The following TLL1 variants were observed in gnomAD, a reference collection of about 807,000 sequenced individuals.
TLL1 encodes the protein tolloid like 1.
A neutral mutation model predicts 128.2 loss-of-function variants in TLL1; 49 were observed. The ratio of observed to expected loss-of-function variants is 0.38; its 90% CI spans 0.30 to 0.48. The LOEUF is 0.48. Ranked by LOEUF, TLL1 falls within the 20% of genes least tolerant of loss-of-function variation. TLL1 has a pLI of 0.96. For synonymous variants in TLL1, 454 were observed against 418.8 expected (o/e 1.08, Z -1.03); for missense variants, 1,123 against 1,242.0 (o/e 0.90, Z 1.44).
At chr4:166,034,749 A>G (rs1738921459) in intron 9 of TLL1, among the ~76,000 whole-genome samples, 1 of 152,146 alleles carries the variant, frequency 6.6e-6, no homozygotes, top group East Asian at 1.9e-4. Context: ...TTTAGGAAAG[A>G]GAAGTCTGAG....
intron 1 of TLL1, among the ~76,000 whole-genome samples, chr4:165,904,322 TC>T (rs1269527245): frequency 6.6e-6 from 1 of 152,228 alleles, no homozygotes; most frequent in Non-Finnish European, 1.5e-5. Context: ...CTACCTGTGT[TC>T]AGGTCTCTTG....
chr4:165,939,668 C>T (rs545543051), intron 1 of TLL1, among the ~76,000 whole-genome samples: 3 of 152,126 alleles, frequency 2.0e-5, no homozygotes, highest in Admixed American at 1.3e-4. Context: ...CATTCTTCAC[C>T]TCTGCTGGGC....
intron 2 of TLL1, among the ~76,000 whole-genome samples, chr4:165,992,385 G>A (rs888236097): frequency 1.3e-5 from 2 of 152,000 alleles, no homozygotes; most frequent in Non-Finnish European, 2.9e-5. Flanking sequence ...CTCTTCTAAT[G>A]TTTTTATTTC....
At chr4:166,068,367 T>C (rs149928027) in intron 16 of TLL1, among the ~76,000 whole-genome samples, 5 of 151,976 alleles carry the variant, frequency 3.3e-5, no homozygotes, top group African/African-American at 1.2e-4. Context: ...TTGATGTCTG[T>C]TCACATTGCA....
At chr4:165,950,688 T>C (rs573174066) in intron 1 of TLL1, among the ~76,000 whole-genome samples, 2 of 152,062 alleles carry the variant, frequency 1.3e-5, no homozygotes, top group Non-Finnish European at 2.9e-5. Flanking sequence ...AGAAGAAATA[T>C]CAAAGGAAGG....
chr4:166,080,442 T>C (rs1236945464), intron 18 of TLL1, among the ~76,000 whole-genome samples: 1 of 152,194 alleles, frequency 6.6e-6, no homozygotes, highest in Admixed American at 6.6e-5. Flanking sequence ...TCTCTACATC[T>C]TCACTAGAAC....
intron 1 of TLL1, chr4:165,874,909 C>A (rs914440254): frequency 6.6e-6 from 1 of 152,290 alleles, no homozygotes; most frequent in African/African-American, 2.4e-5. Flanking sequence ...CGGAGGCGCA[C>A]GTGCCCGGGG....
At chr4:166,059,217 A>C (rs1255770760) in intron 14 of TLL1, among the ~76,000 whole-genome samples, 1 of 151,904 alleles carries the variant, frequency 6.6e-6, no homozygotes, top group Non-Finnish European at 1.5e-5. Context: ...ATACACACAC[A>C]CACACACATA....
intron 5 of TLL1, 47 bp from the exon 6 acceptor site, chr4:166,003,344 C>T: frequency 1.9e-6 from 3 of 1,603,104 alleles, no homozygotes; most frequent in Non-Finnish European, 2.6e-6. Flanking sequence ...TGTCAGTTGT[C>T]CAGCACCACC....
chr4:165,960,938 T>C (rs1243720232), intron 1 of TLL1, among the ~76,000 whole-genome samples: 1 of 151,994 alleles, frequency 6.6e-6, no homozygotes, highest in Non-Finnish European at 1.5e-5. Context: ...CTCTCACCAT[T>C]CCTACTTGAA....
chr4:165,971,929 G>A (rs1203650919), intron 1 of TLL1, among the ~76,000 whole-genome samples: 1 of 152,036 alleles, frequency 6.6e-6, no homozygotes, highest in Non-Finnish European at 1.5e-5. Flanking sequence ...TCTGTTTTTT[G>A]TTGTTTATTT....
Position 166,022,298 on chromosome 4 carries a change from G to A in TLL1, c.1043-3018G>A, listed in dbSNP as rs1191269689. Reference sequence around the variant, plus strand: ...CTGCCTCAGCCTCCCAAGAAGCTGGGATTAAAAGTGCCTGCCGCCACCACA... The same window carrying A: ...CTGCCTCAGCCTCCCAAGAAGCTGGAATTAAAAGTGCCTGCCGCCACCACA... On this transcript the variant is annotated intron_variant, in intron 8 of 20. Coordinates refer to ENST00000061240, the MANE Select transcript of TLL1 (RefSeq NM_012464.5). 2.0e-5 allele frequency among the ~76,000 whole-genome samples: 3 copies of A among 152,012 alleles called. No individual in the cohort carries two copies. The East Asian group carries it at 5.8e-4, about 29-fold the overall frequency.
chr4:166,028,496 C>T (rs1203441850), intron 9 of TLL1, among the ~76,000 whole-genome samples: 1 of 151,894 alleles, frequency 6.6e-6, no homozygotes, highest in African/African-American at 2.4e-5. Flanking sequence ...ATGTTTTGTG[C>T]AATGGTTGGG....
chr4:166,022,231 A>G (rs755155540), intron 8 of TLL1, among the ~76,000 whole-genome samples: 1 of 150,460 alleles, frequency 6.6e-6, no homozygotes, highest in African/African-American at 2.5e-5. Context: ...GTGATGCAAT[A>G]TGGGCTTACT....
chr4:166,026,024 G>T (rs1040595003), intron 9 of TLL1, among the ~76,000 whole-genome samples: 6 of 152,084 alleles, frequency 3.9e-5, no homozygotes, highest in African/African-American at 1.4e-4. Flanking sequence ...TTAATAACAT[G>T]AAAATAACAT....
chr4:166,096,248 G>A (rs556198535), intron 19 of TLL1, among the ~76,000 whole-genome samples: 9 of 143,626 alleles, frequency 6.3e-5, no homozygotes, highest in East Asian at 4.1e-4. Context: ...TGTGTGTCAC[G>A]GTTAGAAATT....
intron 5 of TLL1, among the ~76,000 whole-genome samples, chr4:165,999,618 A>G (rs1312816405): frequency 6.6e-6 from 1 of 150,486 alleles, no homozygotes; most frequent in South Asian, 2.1e-4. Context: ...CATATCAGCC[A>G]CAAAGTCCAG....
chr4:165,978,781 T>A (rs1367680705), intron 1 of TLL1, among the ~76,000 whole-genome samples: 4 of 152,230 alleles, frequency 2.6e-5, no homozygotes, highest in African/African-American at 9.6e-5. Context: ...CAGGTTGGTC[T>A]GCTGTGCTTT....
intron 9 of TLL1, among the ~76,000 whole-genome samples, chr4:166,026,599 ATTGC>A (rs1738502736): frequency 1.3e-5 from 2 of 152,172 alleles, no homozygotes; most frequent in Non-Finnish European, 1.5e-5. Context: ...AGGCAGGATA[ATTGC>A]TTGAACCTAG....
Sources: gnomAD v4.1 joint callset for allele counts (sites outside exome capture counted in the v4.1 genomes callset) on GRCh38, gnomAD v4.1.1 for gene constraint, MANE v1.5 for transcripts, NCBI Gene and HGNC (gene_info 2026-07-23, HGNC 2026-07-21) for gene names.